Variants in HDAC4 observed in about 807,000 individuals in gnomAD.
HDAC4 encodes histone deacetylase 4, also known as histone deacetylase A.
Under a neutral mutation model 135.1 loss-of-function variants are expected in HDAC4, and 16 were observed. That is an observed-to-expected ratio of 0.12 (90% CI 0.08 to 0.18). The LOEUF is 0.18. Ranked by LOEUF, HDAC4 falls within the 10% of genes least tolerant of loss-of-function variation. The pLI, the probability that HDAC4 is intolerant of heterozygous loss-of-function variation, is 1.00. For synonymous variants in HDAC4, 685 were observed against 653.4 expected, an observed-to-expected ratio of 1.05 and a Z score of -0.74; for missense variants, 1,143 against 1,511.8, an observed-to-expected ratio of 0.76 and a Z score of 4.05.
chr2:239,169,140 C>T (rs995070885), intron 5 of HDAC4, among the ~76,000 whole-genome samples: 1 of 152,198 alleles, frequency 6.6e-6, no homozygotes, highest in Non-Finnish European at 1.5e-5. Flanking sequence ...CTGAAAAACT[C>T]TTATTTGTTG....
chr2:239,385,268 G>A (rs922538188), intron 1 of HDAC4, among the ~76,000 whole-genome samples: 10 of 152,344 alleles, frequency 6.6e-5, no homozygotes, highest in South Asian at 2.1e-4. Context: ...AGCCAGAGGC[G>A]ACACTCTTGG....
intron 6 of HDAC4, among the ~76,000 whole-genome samples, chr2:239,157,922 C>G (rs2042529087): frequency 6.6e-6 from 1 of 152,228 alleles, no homozygotes; most frequent in South Asian, 2.1e-4. Flanking sequence ...AGGAGGAGCT[C>G]AGGGAGCTCC....
At chr2:239,176,611 A>G in intron 4 of HDAC4, 48 bp from the exon 5 acceptor site, 1 of 1,571,892 alleles carries the variant, frequency 6.4e-7, no homozygotes. Flanking sequence ...GGCTCCACAC[A>G]CACACAGAGA....
chr2:239,126,629 C>A lies in HDAC4; in HGVS notation c.1360G>T (p.Val454Leu), dbSNP rs750812086. The change falls in exon 12 of 27, where the codon GTG becomes TTG. Residue 454 changes from valine (V) to leucine (L), a missense_variant. By Grantham distance (32) the Val-to-Leu change is conservative. Coordinates refer to ENST00000543185, the MANE Select transcript of HDAC4 (RefSeq NM_001378414.1). ...HAQSLVGADR[V>L]SPSIHKLRQH... Reference sequence around the variant, plus strand: ...CGCAGCTTGTGGATGGAGGGGGACACCCGGTCTGCACCAACCAAGGACTGT... The same window carrying A: ...CGCAGCTTGTGGATGGAGGGGGACAACCGGTCTGCACCAACCAAGGACTGT... The A allele has an allele frequency of 2.5e-6, 4 of 1,614,032 alleles. No individual in the cohort carries two copies. In the Admixed American group the frequency reaches 5.0e-5, roughly 20 times the overall value.
rs983835801 is a variant in HDAC4 at position 239,236,663 on chromosome 2, A to G, written c.24T>C (p.Asp8=). The G allele has an allele frequency of 1.3e-6, 2 of 1,551,532 alleles. No homozygotes were observed. The highest frequency in any genetic ancestry group is 2.7e-5 in the African/African-American group (2 of 73,162). The change falls in exon 3 of 27, where the codon GAT becomes GAC. Residue 8 remains aspartate (D), a splice_region_variant and synonymous_variant. Coordinates refer to ENST00000543185, the MANE Select transcript of HDAC4 (RefSeq NM_001378414.1). MSSQSHP[D]GLSGRDQPVE... is the part of the protein sequence containing the mutation. Reference sequence around the variant, plus strand: ...CTGGCTGGTCTCGGCCAGAAAGTCCATCTGGAGAACAGAGAAGGCACTGGC... The same window carrying G: ...CTGGCTGGTCTCGGCCAGAAAGTCCGTCTGGAGAACAGAGAAGGCACTGGC...
intron 22 of HDAC4, among the ~76,000 whole-genome samples, chr2:239,071,465 G>A (rs2034194411): frequency 6.6e-6 from 1 of 152,198 alleles, no homozygotes; most frequent in South Asian, 2.1e-4. Flanking sequence ...GATTTTCTGT[G>A]AAAGTGCTGA....
At chr2:239,216,905 C>T (rs570790094) in intron 3 of HDAC4, among the ~76,000 whole-genome samples, 6 of 152,350 alleles carry the variant, frequency 3.9e-5, no homozygotes, top group African/African-American at 1.4e-4. Flanking sequence ...TCGAACTATT[C>T]TCAACAATTT....
chr2:239,114,980 C>T (rs542362452), intron 13 of HDAC4, 73 bp downstream of exon 13: 1 of 1,578,772 alleles, frequency 6.3e-7, no homozygotes, highest in South Asian at 1.1e-5. Flanking sequence ...GTGATCACCA[C>T]AGAAGATGCC....
intron 11 of HDAC4, among the ~76,000 whole-genome samples, chr2:239,131,108 T>A (rs1160012312): frequency 6.6e-6 from 1 of 152,158 alleles, no homozygotes. Context: ...GAGCAGCACA[T>A]GAACAGGGAC....
intron 22 of HDAC4, among the ~76,000 whole-genome samples, chr2:239,074,175 A>T (rs559401611): frequency 6.6e-6 from 1 of 152,232 alleles, no homozygotes; most frequent in South Asian, 2.1e-4. Flanking sequence ...TATTTTAATA[A>T]AGTTCTTGTC....
intron 2 of HDAC4, among the ~76,000 whole-genome samples, chr2:239,332,614 G>A (rs2125826207): frequency 6.6e-6 from 1 of 151,306 alleles, no homozygotes; most frequent in African/African-American, 2.4e-5. Context: ...TTAAGCACGT[G>A]GATTACAGAA....
At chr2:239,368,795 C>T (rs932515744) in intron 1 of HDAC4, among the ~76,000 whole-genome samples, 3 of 152,122 alleles carry the variant, frequency 2.0e-5, no homozygotes, top group East Asian at 1.9e-4. Context: ...TGCGTTCTTT[C>T]GGACCAAAGC....
chr2:239,314,467 A>G (rs2053032504), intron 2 of HDAC4, among the ~76,000 whole-genome samples: 1 of 152,074 alleles, frequency 6.6e-6, no homozygotes, highest in African/African-American at 2.4e-5. Context: ...AAAAAGGGGG[A>G]TTAGAAGAGC....
intron 3 of HDAC4, among the ~76,000 whole-genome samples, chr2:239,194,122 G>A (rs6735945): frequency 2.6e-5 from 4 of 152,296 alleles, no homozygotes; most frequent in Admixed American, 2.0e-4. Context: ...ATCATTGAGC[G>A]TGGAGGAGAT....
chr2:239,401,123 G>A (rs1296219593), upstream of HDAC4: 3 of 151,812 alleles, frequency 2.0e-5, no homozygotes, highest in East Asian at 2.0e-4. Context: ...ACCTCCCCTT[G>A]CGGGCCCCGC....
intron 2 of HDAC4, among the ~76,000 whole-genome samples, chr2:239,294,006 CAG>C (rs1349414763): frequency 2.0e-5 from 3 of 152,364 alleles, no homozygotes; most frequent in African/African-American, 7.2e-5. Flanking sequence ...GTTAATTTAA[CAG>C]AGACATTTCT....
chr2:239,109,583 A>T (rs550217542), intron 14 of HDAC4, among the ~76,000 whole-genome samples: 2 of 149,360 alleles, frequency 1.3e-5, no homozygotes, highest in South Asian at 2.2e-4. Flanking sequence ...TACTTGCACA[A>T]CAGTGCTGTG....
chr2:239,066,950 G>A lies in HDAC4; in HGVS notation c.2870-95C>T, dbSNP rs1169996946. 3.4e-6 allele frequency: 5 copies of A among 1,484,512 alleles called. No homozygotes were observed. The Admixed American group carries it at 9.8e-5, about 29-fold the overall frequency. 92.0% of individuals were successfully genotyped at this position (1,484,512 alleles called of 1,614,324 possible). A position where few individuals can be genotyped will look rare whatever the true frequency, so the allele number is the denominator to read the frequency against. On this transcript the variant is annotated intron_variant, in intron 23 of 26. Coordinates refer to ENST00000543185, the MANE Select transcript of HDAC4 (RefSeq NM_001378414.1). ...TCTCATGGCATCGTAAGAAGACTGG[G>A]GGCTGGGGTGTCGAGACACATGGCC...
At chr2:239,073,755 C>T (rs998519504) in intron 22 of HDAC4, among the ~76,000 whole-genome samples, 9 of 152,220 alleles carry the variant, frequency 5.9e-5, no homozygotes, top group South Asian at 4.1e-4. Context: ...GAGTTGGTGT[C>T]GGCACTCCCG....
Sources: allele counts gnomAD v4.1 joint callset (sites outside exome capture counted in the v4.1 genomes callset), GRCh38; gene constraint gnomAD v4.1.1; transcripts MANE v1.5; gene names NCBI Gene and HGNC (gene_info 2026-07-23, HGNC 2026-07-21).